The following TSHR variants were observed in gnomAD, a reference collection of about 807,000 sequenced individuals.
TSHR encodes thyrotropin receptor.
TSHR carries 51 observed loss-of-function variants against 64.1 expected under a neutral mutation model. That is an observed-to-expected ratio of 0.80 (90% CI 0.64 to 1.01). The LOEUF is 1.01. TSHR is among the 50% of genes least tolerant of loss of function. The pLI is 0.00. For synonymous variants in TSHR, 361 were observed against 361.9 expected, an observed-to-expected ratio of 1.00 and a Z score of 0.03; for missense variants, 877 against 942.8, an observed-to-expected ratio of 0.93 and a Z score of 0.91.
At chr14:81,115,206 A>T (rs971240069) in intron 8 of TSHR, among the ~76,000 whole-genome samples, 2 of 152,088 alleles carry the variant, frequency 1.3e-5, no homozygotes, top group African/African-American at 4.8e-5. Flanking sequence ...CTGAGAGAAG[A>T]AGGCTTCAGA....
chr14:81,136,704 T>C (rs563358707), intron 8 of TSHR, among the ~76,000 whole-genome samples: 2 of 152,276 alleles, frequency 1.3e-5, no homozygotes, highest in South Asian at 4.1e-4. Flanking sequence ...AAATTAACAA[T>C]TATTGAGCAC....
chr14:81,046,355 G>A (rs909765375), intron 1 of TSHR, among the ~76,000 whole-genome samples: 2 of 151,922 alleles, frequency 1.3e-5, no homozygotes, highest in African/African-American at 2.4e-5. Flanking sequence ...ACATAAAGAA[G>A]ACCTGAAAGG....
intron 8 of TSHR, among the ~76,000 whole-genome samples, chr14:81,112,366 C>G (rs541991954): frequency 1.3e-5 from 2 of 152,184 alleles, no homozygotes; most frequent in African/African-American, 4.8e-5. Flanking sequence ...CCCCATTTCT[C>G]TCCTTAGCTC....
chr14:81,138,024 C>G (rs772408843), intron 8 of TSHR, among the ~76,000 whole-genome samples: 3 of 152,126 alleles, frequency 2.0e-5, no homozygotes, highest in Non-Finnish European at 2.9e-5. Flanking sequence ...CGGATGAGGC[C>G]AGAGAGCAAA....
intron 1 of TSHR, among the ~76,000 whole-genome samples, chr14:80,990,023 C>T (rs1409912124): frequency 1.3e-5 from 2 of 152,164 alleles, no homozygotes. Context: ...AGCTTTAATT[C>T]CTTATAATAT....
At chr14:81,107,428 G>GAT (rs910357092) in intron 7 of TSHR, among the ~76,000 whole-genome samples, 6 of 152,146 alleles carry the variant, frequency 3.9e-5, no homozygotes, top group East Asian at 1.9e-4. Flanking sequence ...TTGTAACAAG[G>GAT]ATATATATAT....
intron 1 of TSHR, among the ~76,000 whole-genome samples, chr14:80,977,937 A>G (rs1887962506): frequency 6.6e-6 from 1 of 151,980 alleles, no homozygotes; most frequent in Non-Finnish European, 1.5e-5. Flanking sequence ...AGGCCTTCTC[A>G]TACAGTGTTC....
chr14:80,963,818 C>A (rs150696812), intron 1 of TSHR, among the ~76,000 whole-genome samples: 1 of 152,124 alleles, frequency 6.6e-6, no homozygotes, highest in Non-Finnish European at 1.5e-5. Context: ...AGGAAAAAGT[C>A]GGAGAGACCT....
rs530613566 is a variant in TSHR at position 80,971,645 on chromosome 14, G to C, written c.170+15795G>C. Among the ~76,000 whole-genome samples the C allele has an allele frequency of 5.3e-5, 8 of 152,272 alleles. No individual in the cohort carries two copies. In the East Asian group the frequency reaches 1.2e-3, roughly 22 times the overall value. Reference sequence around the variant, plus strand: ...TTTGTTTCTTACAGGGGGCAGATAGGTGAATTGAAAGGATATGAAGCACCA... The same window carrying C: ...TTTGTTTCTTACAGGGGGCAGATAGCTGAATTGAAAGGATATGAAGCACCA... On this transcript the variant is annotated intron_variant, in intron 1 of 9. Coordinates refer to ENST00000298171, the MANE Select transcript of TSHR (RefSeq NM_000369.5).
intron 1 of TSHR, 59 bp downstream of exon 1, chr14:80,955,909 G>A (rs939596468): frequency 1.2e-6 from 2 of 1,609,192 alleles, no homozygotes. Flanking sequence ...TGCAGAGGTG[G>A]CCCGAAGTGC....
At chr14:80,958,929 C>T (rs1377864140) in intron 1 of TSHR, among the ~76,000 whole-genome samples, 1 of 152,164 alleles carries the variant, frequency 6.6e-6, no homozygotes, top group African/African-American at 2.4e-5. Context: ...ATTACTTCTG[C>T]AACCTTCATT....
intron 1 of TSHR, chr14:80,983,044 C>G: frequency 1.8e-6 from 1 of 545,756 alleles, no homozygotes; most frequent in Non-Finnish European, 3.3e-6. Context: ...CCATAACGTT[C>G]ACCCATTTGC....
chr14:80,991,215 C>T (rs934981493), intron 1 of TSHR, among the ~76,000 whole-genome samples: 2 of 152,142 alleles, frequency 1.3e-5, no homozygotes, highest in African/African-American at 4.8e-5. Flanking sequence ...TCAGATATAA[C>T]TCGTACCCTA....
Position 80,955,678 on chromosome 14 carries a change from A to G in TSHR, c.-3A>G. The G allele has an allele frequency of 1.2e-6, 2 of 1,613,890 alleles. No homozygotes were observed. Among genetic ancestry groups the G allele is most frequent in the Non-Finnish European group, 1.7e-6 (2 of 1,179,920 alleles). The stretch of plus-strand genomic sequence containing the variant: ...GGAGAAATAGCCCCGAGTCCCGTGG[A>G]AAATGAGGCCGGCGGACTTGCTGCA... On this transcript the variant is annotated 5_prime_UTR_variant, in exon 1 of 10. Coordinates refer to ENST00000298171, the MANE Select transcript of TSHR (RefSeq NM_000369.5).
chr14:81,007,769 T>C (rs1294303297), intron 1 of TSHR, among the ~76,000 whole-genome samples: 1 of 152,252 alleles, frequency 6.6e-6, no homozygotes, highest in African/African-American at 2.4e-5. Context: ...ATCTCTAGTT[T>C]GTTCCTTATA....
chr14:81,057,195 G>A (rs1885875609), intron 1 of TSHR, among the ~76,000 whole-genome samples: 1 of 152,184 alleles, frequency 6.6e-6, no homozygotes, highest in African/African-American at 2.4e-5. Context: ...TGGATTACTT[G>A]AGGTCAGGAG....
intron 6 of TSHR, among the ~76,000 whole-genome samples, chr14:81,096,246 G>C (rs1426505810): frequency 6.6e-6 from 1 of 152,150 alleles, no homozygotes; most frequent in African/African-American, 2.4e-5. Context: ...TCAGATGAAT[G>C]TCTTTCAAAA....
At chr14:81,045,002 G>A (rs968266934) in intron 1 of TSHR, among the ~76,000 whole-genome samples, 1 of 152,248 alleles carries the variant, frequency 6.6e-6, no homozygotes, top group East Asian at 1.9e-4. Flanking sequence ...CAACCTAAAT[G>A]CCCATCAATG....
intron 8 of TSHR, among the ~76,000 whole-genome samples, chr14:81,122,543 T>C (rs892156753): frequency 6.6e-6 from 1 of 152,078 alleles, no homozygotes; most frequent in Non-Finnish European, 1.5e-5. Context: ...TAACCAAATA[T>C]GTCACAAAAC....
Sources: allele counts gnomAD v4.1 joint callset (sites outside exome capture counted in the v4.1 genomes callset), GRCh38; gene constraint gnomAD v4.1.1; transcripts MANE v1.5; gene names NCBI Gene and HGNC (gene_info 2026-07-23, HGNC 2026-07-21).